Variants in MECOM observed in about 807,000 individuals in gnomAD.
The protein encoded by MECOM is histone-lysine N-methyltransferase MECOM.
Under a neutral mutation model 116.3 loss-of-function variants are expected in MECOM, and 13 were observed. The observed-to-expected ratio is 0.11, with a 90% CI of 0.07 to 0.18. MECOM has a LOEUF of 0.18. Ranked by LOEUF, MECOM falls within the 10% of genes least tolerant of loss-of-function variation. The probability of loss-of-function intolerance (pLI) is 1.00; values close to 1 mark genes in which losing one functional copy is unlikely to be tolerated. For synonymous variants in MECOM, 528 were observed against 535.2 expected, an observed-to-expected ratio of 0.99 and a Z score of 0.19; for missense variants, 1,299 against 1,509.0, an observed-to-expected ratio of 0.86 and a Z score of 2.31.
chr3:169,660,072 G>T (rs1220643138), intron 1 of MECOM, among the ~76,000 whole-genome samples: 1 of 152,126 alleles, frequency 6.6e-6, no homozygotes, highest in East Asian at 1.9e-4. Context: ...GGTGGCTTCG[G>T]TATTTCAGGC....
chr3:169,471,241 C>T (rs983874372), intron 1 of MECOM, among the ~76,000 whole-genome samples: 1 of 152,124 alleles, frequency 6.6e-6, no homozygotes, highest in African/African-American at 2.4e-5. Flanking sequence ...ATACACTGGC[C>T]TCGGCTTCCC....
At position 169,115,659 on chromosome 3, in the gene MECOM, G is replaced by A. The variant is rs745306581; in HGVS notation, c.2213C>T (p.Ser738Phe). The A allele has an allele frequency of 1.9e-6, 3 of 1,614,160 alleles. No homozygotes were observed. The highest frequency in any genetic ancestry group is 4.5e-5 in the East Asian group (2 of 44,876). ...GEVKKLQKGS[S>F]ESPFDLTTKR... The stretch of plus-strand genomic sequence containing the variant: ...AGTGGTGAGATCAAAGGGGGACTCA[G>A]AGCTGCCCTTCTGCAGTTTCTTTAC... The change falls in exon 8 of 17, where the codon TCT becomes TTT. Residue 738 changes from serine to phenylalanine, a missense_variant. This residue lies in a region of MECOM where 340 missense variants were observed against 312.6 expected (regional missense o/e 1.09). Coordinates refer to ENST00000651503, the MANE Select transcript of MECOM (RefSeq NM_004991.4).
chr3:169,104,110 C>G (rs1576927673), intron 10 of MECOM, among the ~76,000 whole-genome samples: 1 of 152,168 alleles, frequency 6.6e-6, no homozygotes, highest in African/African-American at 2.4e-5. Context: ...TTCATAATCA[C>G]TCAGCTGCTA....
chr3:169,364,954 A>G (rs1173070930), intron 2 of MECOM, among the ~76,000 whole-genome samples: 1 of 152,028 alleles, frequency 6.6e-6, no homozygotes, highest in Non-Finnish European at 1.5e-5. Context: ...ATGTTTTCTA[A>G]CATATTTACT....
chr3:169,516,232 G>T (rs1372106722), intron 1 of MECOM, among the ~76,000 whole-genome samples: 2 of 152,242 alleles, frequency 1.3e-5, no homozygotes, highest in East Asian at 3.9e-4. Context: ...TTGTTGTTTA[G>T]GAGACTCTGA....
At chr3:169,575,881 A>C (rs776487061) in intron 1 of MECOM, among the ~76,000 whole-genome samples, 2 of 151,988 alleles carry the variant, frequency 1.3e-5, no homozygotes, top group Non-Finnish European at 2.9e-5. Context: ...TAAAAAAAAA[A>C]CAAAACAAAA....
At chr3:169,152,000 TTC>T (rs1741237297) in intron 2 of MECOM, among the ~76,000 whole-genome samples, 1 of 152,030 alleles carries the variant, frequency 6.6e-6, no homozygotes, top group Admixed American at 6.6e-5. Flanking sequence ...TAAGGTGATA[TTC>T]TGTTTAATTT....
At chr3:169,503,031 T>C (rs1166121016) in intron 1 of MECOM, among the ~76,000 whole-genome samples, 1 of 152,178 alleles carries the variant, frequency 6.6e-6, no homozygotes, top group Admixed American at 6.5e-5. Flanking sequence ...ATTTAAGTAC[T>C]TACCACACAC....
chr3:169,330,241 C>T (rs948590409), intron 2 of MECOM, among the ~76,000 whole-genome samples: 1 of 152,098 alleles, frequency 6.6e-6, no homozygotes, highest in Admixed American at 6.6e-5. Flanking sequence ...CTGGGCTGGT[C>T]TGGAACTCCT....
chr3:169,500,012 T>C (rs145745108), intron 1 of MECOM, among the ~76,000 whole-genome samples: 31 of 152,222 alleles, frequency 2.0e-4, no homozygotes, highest in Non-Finnish European at 4.0e-4. Flanking sequence ...TAGTCACTTA[T>C]GGCAACAGTG....
chr3:169,612,945 G>A (rs906607223), intron 1 of MECOM, among the ~76,000 whole-genome samples: 1 of 152,198 alleles, frequency 6.6e-6, no homozygotes, highest in African/African-American at 2.4e-5. Flanking sequence ...TAAGAGAAGA[G>A]AAGTTAAATG....
chr3:169,417,393 C>CA (rs1388225923), intron 1 of MECOM, among the ~76,000 whole-genome samples: 1 of 152,114 alleles, frequency 6.6e-6, no homozygotes, highest in Non-Finnish European at 1.5e-5. Flanking sequence ...AAATGCAAAT[C>CA]AAAACCACAA....
intron 1 of MECOM, among the ~76,000 whole-genome samples, chr3:169,571,518 G>A (rs1026972083): frequency 6.6e-6 from 1 of 152,152 alleles, no homozygotes; most frequent in African/African-American, 2.4e-5. Context: ...AACAGAAATA[G>A]AGCCCGTACA....
chr3:169,183,757 TACATAC>T (rs1159581971), intron 2 of MECOM, among the ~76,000 whole-genome samples: 1,189 of 84,484 alleles, frequency 0.014, 26 homozygotes, highest in East Asian at 0.059. Context: ...AGAAGATACA[TACATAC>T]ACACACACAC....
intron 2 of MECOM, among the ~76,000 whole-genome samples, chr3:169,323,079 TG>T (rs1160139031): frequency 1.6e-5 from 2 of 128,944 alleles, no homozygotes; most frequent in African/African-American, 5.9e-5. Context: ...AAAAAAGAAA[TG>T]GTTTTCCAGG....
At chr3:169,627,173 G>A (rs1263594742) in intron 1 of MECOM, among the ~76,000 whole-genome samples, 3 of 152,278 alleles carry the variant, frequency 2.0e-5, no homozygotes, top group Non-Finnish European at 2.9e-5. Flanking sequence ...ACAGTTTTAC[G>A]AGACTGGAGT....
At chr3:169,191,743 AAAGAAAGAAAG>A (rs1559973689) in intron 2 of MECOM, among the ~76,000 whole-genome samples, 8 of 117,296 alleles carry the variant, frequency 6.8e-5, no homozygotes, top group African/African-American at 2.6e-4. Flanking sequence ...AAAGAAAGAG[AAAGAAAGAAAG>A]AAAGAAAGAA....
chr3:169,096,270 C>CT (rs57183129), intron 12 of MECOM, among the ~76,000 whole-genome samples: 4,298 of 143,414 alleles, frequency 0.03, 193 homozygotes, highest in African/African-American at 0.1. Context: ...TCCAAATGAC[C>CT]TTTTTTTTTT....
At chr3:169,184,925 T>C (rs1746501957) in intron 2 of MECOM, among the ~76,000 whole-genome samples, 1 of 152,080 alleles carries the variant, frequency 6.6e-6, no homozygotes, top group African/African-American at 2.4e-5. Flanking sequence ...ACCATTACAT[T>C]TGGCAAATCA....
Sources: gnomAD v4.1 joint callset for allele counts (sites outside exome capture counted in the v4.1 genomes callset) on GRCh38, gnomAD v4.1.1 for gene constraint, gnomAD v4.1.1 regional missense constraint, MANE v1.5 for transcripts, NCBI Gene and HGNC (gene_info 2026-07-23, HGNC 2026-07-21) for gene names.